LRRC57: variants seen among roughly 807,000 people sequenced by gnomAD.
LRRC57 encodes the protein leucine-rich repeat-containing protein 57.
LRRC57 carries 14 observed loss-of-function variants against 23.1 expected under a neutral mutation model. That is an observed-to-expected ratio of 0.61 (90% CI 0.40 to 0.95). The LOEUF is 0.95. LRRC57 is among the 40% of genes least tolerant of loss of function. The pLI, the probability that LRRC57 is intolerant of heterozygous loss-of-function variation, is 0.00. For missense variants in LRRC57, 236 were observed against 284.4 expected (o/e 0.83, Z 1.22); for synonymous variants, 106 against 115.2 (o/e 0.92, Z 0.51).
the LRRC57 span, among the ~76,000 whole-genome samples, chr15:42,529,353 T>G: frequency 7.3e-4 from 111 of 151,842 alleles, no homozygotes; most frequent in African/African-American, 2.7e-3. Context: ...CACTTACAGT[T>G]TCTGATTGAG....
At chr15:42,537,308 C>T (rs1443298403), downstream of LRRC57, among the ~76,000 whole-genome samples, 2 of 151,130 alleles carry the variant, frequency 1.3e-5, no homozygotes, top group African/African-American at 4.9e-5. Context: ...AATCTCAACA[C>T]TGCTAATCAT....
At chr15:42,547,682 A>G (rs112821807) in intron 3 of LRRC57, 153 bp from the exon 4 acceptor site, 20,466 of 701,332 alleles carry the variant, frequency 0.029, 390 homozygotes, top group Middle Eastern at 0.045. Context: ...CATTTTACCA[A>G]CATAGTCTTT....
the LRRC57 span, chr15:42,529,859 G>C: frequency 6.2e-7 from 1 of 1,601,740 alleles, no homozygotes; most frequent in Non-Finnish European, 8.5e-7. Flanking sequence ...GAGACACCCA[G>C]TTCAGTGTTT....
chr15:42,535,504 G>C (rs762302902), downstream of LRRC57, among the ~76,000 whole-genome samples: 1 of 149,296 alleles, frequency 6.7e-6, no homozygotes, highest in Non-Finnish European at 1.5e-5. Context: ...GGAGTACAAT[G>C]GTGCGATCTC....
At chr15:42,533,909 A>G (rs2057586259), downstream of LRRC57, among the ~76,000 whole-genome samples, 1 of 152,162 alleles carries the variant, frequency 6.6e-6, no homozygotes, top group African/African-American at 2.4e-5. Flanking sequence ...TTAAAAAGCA[A>G]TGTATATACC....
rs1361552687 is a variant in LRRC57, at chr15:42,540,692, A to T, written c.*3391T>A. ...TGGATTCTGATAAGAGTGTGGATTAAACTCCAATTAATAATTAAATGGGAA... is the reference window on the plus strand; with the variant it reads ...TGGATTCTGATAAGAGTGTGGATTATACTCCAATTAATAATTAAATGGGAA... On this transcript the variant is annotated 3_prime_UTR_variant, in exon 6 of 6. Transcript: ENST00000397130. 1 of 152,212 alleles carries T rather than the reference A, an allele frequency of 6.6e-6. No homozygotes were observed. The highest frequency in any genetic ancestry group is 1.9e-4 in the East Asian group (1 of 5,200). The allele number at this position is 152,212 out of a possible 1,614,324, so 9.4% of individuals were successfully genotyped here.
chr15:42,529,581 G>A, the LRRC57 span: 13 of 1,267,382 alleles, frequency 1.0e-5, no homozygotes, highest in South Asian at 1.5e-4. Context: ...TACTTGCTGA[G>A]AGTCATTTTG....
chr15:42,532,516 T>G, the LRRC57 span: 1 of 152,574 alleles, frequency 6.6e-6, no homozygotes, highest in African/African-American at 2.4e-5. Flanking sequence ...TTTCATATTA[T>G]TAGTAGTATC....
rs1352669222 is a variant in LRRC57 at position 42,547,305 on chromosome 15, C to T, written c.448G>A (p.Val150Met). 9.9e-6 allele frequency: 16 copies of T among 1,614,098 alleles called. 1 individual carries two copies. Among genetic ancestry groups the T allele is most frequent in the Admixed American group, 1.7e-5 (1 of 60,008 alleles). Residue 150 changes from valine (V) to methionine (M), a missense_variant, in exon 4 of 6, where the codon GTG becomes ATG. By Grantham distance (21) the Val-to-Met change is conservative (BLOSUM62 1). Transcript: ENST00000397130. ...KNQIRSIPDS[V>M]GELQVIELNL... is the part of the protein sequence containing the mutation. ...AGTTCGATGACTTGCAGCTCTCCCA[C>T]TGAGTCAGGTATACTTCGAATCTGG... is the stretch of plus-strand genomic sequence containing the variant.
At chr15:42,531,427 A>G in the LRRC57 span, 1 of 1,585,636 alleles carries the variant, frequency 6.3e-7, no homozygotes. Context: ...ACACCAACAG[A>G]GATCGTATTG....
rs574836353 is a variant in LRRC57, at chr15:42,539,341, G to A, written c.*4742C>T. ...AAAAATACAAAAATTAGCTGGGCGT[G>A]GTGGTGGGCACCTGTAATCCCAGCT... On this transcript the variant is annotated 3_prime_UTR_variant, in exon 6 of 6. Transcript: ENST00000397130. 4 of 152,124 alleles carry A rather than the reference G, an allele frequency of 2.6e-5. No homozygotes were observed. The East Asian group carries it at 7.7e-4, about 29-fold the overall frequency. The allele number at this position is 152,124 out of a possible 1,614,324, so 9.4% of individuals were successfully genotyped here. A position where few individuals can be genotyped will look rare whatever the true frequency, so the allele number is the denominator to read the frequency against.
the LRRC57 span, among the ~76,000 whole-genome samples, chr15:42,528,909 T>C: frequency 4.6e-5 from 7 of 152,290 alleles, no homozygotes; most frequent in Non-Finnish European, 2.9e-5. Flanking sequence ...ACTGTGGTGG[T>C]TGACCTTGGG....
In LRRC57 at chr15:42,543,053, TAG is replaced by T. The variant is rs2057638800; in HGVS notation, c.*1028_*1029del. 1.3e-5 allele frequency: 2 copies of T among 151,564 alleles called. No homozygotes were observed. Among genetic ancestry groups the T allele is most frequent in the Non-Finnish European group, 2.9e-5 (2 of 68,014 alleles). 9.4% of individuals were successfully genotyped at this position (151,564 alleles called of 1,614,324 possible). A position where few individuals can be genotyped will look rare whatever the true frequency, so the allele number is the denominator to read the frequency against. On this transcript the variant is annotated 3_prime_UTR_variant, in exon 6 of 6. Coordinates refer to ENST00000397130, the MANE Select transcript of LRRC57 (RefSeq NM_153260.3). Reference sequence around the variant, plus strand: ...GCCCAGCTAATTTTTGTATTTTCAGTAGAGACAGGGTTTCACCATGTTGGCCA... The same window carrying T: ...GCCCAGCTAATTTTTGTATTTTCAGTAGACAGGGTTTCACCATGTTGGCCA...
At position 42,542,639 on chromosome 15, in the gene LRRC57, G is replaced by C. The variant is rs1264516419; in HGVS notation, c.*1444C>G. ...ATTGATAGGTAATTTGGTTAGTAGA[G>C]TTATAAATACAAAAAGGGAAAGGTT... On this transcript the variant is annotated 3_prime_UTR_variant, in exon 6 of 6. Transcript: ENST00000397130. The C allele has an allele frequency of 1.3e-5, 2 of 152,580 alleles. No individual in the cohort carries two copies. Among genetic ancestry groups the C allele is most frequent in the African/African-American group, 4.8e-5 (2 of 41,428 alleles). 9.5% of individuals were successfully genotyped at this position (152,580 alleles called of 1,614,324 possible).
chr15:42,534,350 C>T (rs1026741980), downstream of LRRC57, among the ~76,000 whole-genome samples: 1 of 152,022 alleles, frequency 6.6e-6, no homozygotes, highest in African/African-American at 2.4e-5. Flanking sequence ...AGGCTGGTCT[C>T]GAACTCCTGA....
At chr15:42,528,703 A>C in the LRRC57 span, among the ~76,000 whole-genome samples, 8 of 152,094 alleles carry the variant, frequency 5.3e-5, no homozygotes, top group Non-Finnish European at 1.2e-4. Flanking sequence ...CTCCTGCCTC[A>C]GCCTTCCGAG....
chr15:42,546,066 C>T (rs2057656872), intron 4 of LRRC57, among the ~76,000 whole-genome samples: 1 of 152,188 alleles, frequency 6.6e-6, no homozygotes, highest in Non-Finnish European at 1.5e-5. Flanking sequence ...AAGCTCAATA[C>T]CAAGCAATTG....
chr15:42,531,536 A>T, the LRRC57 span: 1 of 1,357,250 alleles, frequency 7.4e-7, no homozygotes, highest in Non-Finnish European at 1.0e-6. Flanking sequence ...CTTGAAAGTT[A>T]TTACCTTTTC....
rs2057641328 is a variant in LRRC57 at position 42,543,449 on chromosome 15, C to T, written c.*634G>A. ...TCCTAGCCTCAAGTGAGCCACCCGC[C>T]TTGGCCTCCCAAAGTGCTGGGATTA... On this transcript the variant is annotated 3_prime_UTR_variant, in exon 6 of 6. Coordinates refer to ENST00000397130, the MANE Select transcript of LRRC57 (RefSeq NM_153260.3). 1 of 152,258 alleles carries T rather than the reference C, an allele frequency of 6.6e-6. No homozygotes were observed. Among genetic ancestry groups the T allele is most frequent in the South Asian group, 2.1e-4 (1 of 4,832 alleles). 9.4% of individuals were successfully genotyped at this position (152,258 alleles called of 1,614,324 possible). A position where few individuals can be genotyped will look rare whatever the true frequency, so the allele number is the denominator to read the frequency against.
Sources: allele counts gnomAD v4.1 joint callset (sites outside exome capture counted in the v4.1 genomes callset), GRCh38; gene constraint gnomAD v4.1.1; transcripts MANE v1.5; gene names NCBI Gene and HGNC (gene_info 2026-07-23, HGNC 2026-07-21).